Variants in CDH13 observed in about 807,000 individuals in gnomAD.
CDH13 encodes the protein cadherin 13.
A neutral mutation model predicts 63.8 loss-of-function variants in CDH13; 24 were observed. The observed-to-expected ratio is 0.38, with a 90% confidence interval of 0.27 to 0.53. CDH13 has a LOEUF of 0.53. CDH13 is among the 20% of genes least tolerant of loss of function. The probability of loss-of-function intolerance (pLI) is 0.85; values close to 1 mark genes in which losing one functional copy is unlikely to be tolerated. For synonymous variants in CDH13, 503 were observed against 355.3 expected, an observed-to-expected ratio of 1.42 and a Z score of -4.67; for missense variants, 1,049 against 903.1, an observed-to-expected ratio of 1.16 and a Z score of -2.07.
chr16:83,233,929 T>G (rs879861596), intron 5 of CDH13, among the ~76,000 whole-genome samples: 2 of 152,206 alleles, frequency 1.3e-5, no homozygotes, highest in African/African-American at 4.8e-5. Context: ...CAGAGTGGGT[T>G]AGGAACTTGT....
chr16:83,286,864 TG>T (rs1406647968), intron 5 of CDH13, among the ~76,000 whole-genome samples: 2 of 151,922 alleles, frequency 1.3e-5, no homozygotes, highest in African/African-American at 4.8e-5. Context: ...CATATTCTTG[TG>T]AGTGGACTGA....
intron 4 of CDH13, among the ~76,000 whole-genome samples, chr16:83,205,609 T>C (rs1397664131): frequency 6.6e-6 from 1 of 150,414 alleles, no homozygotes; most frequent in East Asian, 2.0e-4. Context: ...AAACCTTTTT[T>C]TTTTTTTTTT....
intron 7 of CDH13, among the ~76,000 whole-genome samples, chr16:83,568,543 C>T (rs1313561977): frequency 6.6e-6 from 1 of 152,186 alleles, no homozygotes; most frequent in Non-Finnish European, 1.5e-5. Context: ...TTGGCTGTCA[C>T]TTTAGGAGAT....
chr16:83,434,663 C>T (rs2072232044), intron 6 of CDH13, among the ~76,000 whole-genome samples: 1 of 151,730 alleles, frequency 6.6e-6, no homozygotes, highest in South Asian at 2.1e-4. Flanking sequence ...TCCTCTTATC[C>T]CTGTCTTAGA....
chr16:83,209,049 G>A (rs1597518878), intron 4 of CDH13, among the ~76,000 whole-genome samples: 1 of 152,262 alleles, frequency 6.6e-6, no homozygotes, highest in Admixed American at 6.5e-5. Flanking sequence ...CAGTGGGGGT[G>A]GCAGCAGGTT....
intron 7 of CDH13, among the ~76,000 whole-genome samples, chr16:83,591,117 G>T (rs1056938043): frequency 2.0e-5 from 3 of 151,770 alleles, no homozygotes; most frequent in African/African-American, 7.3e-5. Flanking sequence ...CACCAGGTTG[G>T]CCATGCTGGT....
intron 2 of CDH13, among the ~76,000 whole-genome samples, chr16:82,946,580 G>A (rs989244365): frequency 6.6e-6 from 1 of 152,020 alleles, no homozygotes; most frequent in South Asian, 2.1e-4. Flanking sequence ...AATTAGCCTG[G>A]CGTGGTGGCC....
chr16:83,742,728 T>C (rs1367698992), intron 10 of CDH13, among the ~76,000 whole-genome samples: 1 of 152,146 alleles, frequency 6.6e-6, no homozygotes, highest in Non-Finnish European at 1.5e-5. Flanking sequence ...GAACGATGGC[T>C]CCACCGTTCA....
intron 1 of CDH13, among the ~76,000 whole-genome samples, chr16:82,774,059 AGGAGTAAGACACCGT>A (rs1230056749): frequency 3.3e-5 from 5 of 152,144 alleles, no homozygotes; most frequent in African/African-American, 1.2e-4. Flanking sequence ...CTGGGACTAC[AGGAGTAAGACACCGT>A]GCCCGGCCAG....
chr16:83,106,523 A>G (rs1189597845), intron 3 of CDH13, among the ~76,000 whole-genome samples: 2 of 152,244 alleles, frequency 1.3e-5, no homozygotes, highest in Non-Finnish European at 2.9e-5. Context: ...CCTGGGCGAC[A>G]AGGCGAGACT....
chr16:83,682,006 G>A (rs35319256), intron 10 of CDH13, among the ~76,000 whole-genome samples: 28,593 of 152,094 alleles, frequency 0.19, 2,752 homozygotes, highest in African/African-American at 0.25. Flanking sequence ...GGTGTCTCCT[G>A]ATAACATTTT....
intron 6 of CDH13, among the ~76,000 whole-genome samples, chr16:83,381,235 C>A (rs1219558545): frequency 2.6e-5 from 4 of 152,164 alleles, no homozygotes; most frequent in African/African-American, 7.2e-5. Flanking sequence ...TCCCTCCTTG[C>A]CATCTGGAGT....
chr16:83,678,522 G>T (rs1915149799), intron 10 of CDH13, 61 bp downstream of exon 10: 3 of 1,596,134 alleles, frequency 1.9e-6, no homozygotes, highest in Non-Finnish European at 2.6e-6. Flanking sequence ...TTCCTTTCCA[G>T]TCGCAGAAGC....
At chr16:83,515,944 G>T (rs1331774407) in intron 7 of CDH13, among the ~76,000 whole-genome samples, 1 of 152,086 alleles carries the variant, frequency 6.6e-6, no homozygotes, top group African/African-American at 2.4e-5. Context: ...GCTGATATTT[G>T]GGTATAATAT....
intron 5 of CDH13, among the ~76,000 whole-genome samples, chr16:83,223,852 A>G (rs774356692): frequency 6.6e-5 from 10 of 152,080 alleles, no homozygotes; most frequent in Non-Finnish European, 1.3e-4. Flanking sequence ...TTTTAATTCC[A>G]TGGGTTTTTG....
At chr16:83,313,700 A>G (rs2090047640) in intron 5 of CDH13, among the ~76,000 whole-genome samples, 1 of 151,132 alleles carries the variant, frequency 6.6e-6, no homozygotes, top group African/African-American at 2.4e-5. Context: ...TTAAAATGTG[A>G]GCATTCTAGA....
At chr16:83,065,090 A>G (rs775303341) in intron 3 of CDH13, among the ~76,000 whole-genome samples, 1 of 152,014 alleles carries the variant, frequency 6.6e-6, no homozygotes, top group African/African-American at 2.4e-5. Flanking sequence ...CATACAAGTG[A>G]GATCATGTGG....
intron 8 of CDH13, among the ~76,000 whole-genome samples, chr16:83,609,909 T>A (rs987351474): frequency 6.6e-6 from 1 of 152,320 alleles, no homozygotes; most frequent in East Asian, 1.9e-4. Context: ...CCACCACTGA[T>A]CTACTGTCAG....
At chr16:82,912,152 T>A (rs1418403289) in intron 2 of CDH13, among the ~76,000 whole-genome samples, 3 of 152,012 alleles carry the variant, frequency 2.0e-5, no homozygotes, top group African/African-American at 7.3e-5. Context: ...CTCCCCTTAA[T>A]CTCCAGCCCA....
Sources: gnomAD v4.1 joint callset for allele counts (sites outside exome capture counted in the v4.1 genomes callset) on GRCh38, gnomAD v4.1.1 for gene constraint, MANE v1.5 for transcripts, NCBI Gene and HGNC (gene_info 2026-07-23, HGNC 2026-07-21) for gene names.